TMPRSS3: variants seen among roughly 807,000 people sequenced by gnomAD.
TMPRSS3 encodes transmembrane serine protease 3.
In TMPRSS3, 55 loss-of-function variants were observed where a neutral mutation model predicts 59.6. The ratio of observed to expected loss-of-function variants is 0.92; its 90% CI spans 0.74 to 1.16. The LOEUF (loss-of-function observed/expected upper bound fraction) is 1.16. TMPRSS3 is among the 50% of genes most tolerant of loss of function. The pLI is 0.00. For missense variants in TMPRSS3, 596 were observed against 579.4 expected, an observed-to-expected ratio of 1.03 and a Z score of -0.29; for synonymous variants, 257 against 237.7, an observed-to-expected ratio of 1.08 and a Z score of -0.75.
intron 7 of TMPRSS3, chr21:42,383,725 T>C (rs767890523): frequency 1.1e-4 from 76 of 696,786 alleles, no homozygotes; most frequent in Non-Finnish European, 1.9e-4. Flanking sequence ...TGGGACATCA[T>C]GGGCCTTGGT....
chr21:42,382,419 C>T (rs2052550330), intron 8 of TMPRSS3, 185 bp from the exon 9 acceptor site: 1 of 643,308 alleles, frequency 1.6e-6, no homozygotes, highest in Non-Finnish European at 2.8e-6. Context: ...AACACAGACC[C>T]ACACCCCATG....
In TMPRSS3 at chr21:42,372,221, C is replaced by T. The variant is rs1359819799; in HGVS notation, c.*541G>A. 1 of 443,504 alleles carries T rather than the reference C, an allele frequency of 2.3e-6. No homozygotes were observed. The highest frequency in any genetic ancestry group is 7.0e-5 in the East Asian group (1 of 14,340). The allele number at this position is 443,504 out of a possible 1,614,324, so 27.5% of individuals were successfully genotyped here. A position where few individuals can be genotyped will look rare whatever the true frequency, so the allele number is the denominator to read the frequency against. The stretch of plus-strand genomic sequence containing the variant: ...AAACCAGATGGACCAGTGGGAAAGG[C>T]CGCCCTTGCAAGTTGCTGCTTCTTT... On this transcript the variant is annotated 3_prime_UTR_variant, in exon 13 of 13. Transcript: ENST00000644384.
At position 42,388,031 on chromosome 21, in the gene TMPRSS3, G is replaced by A. The variant is rs565900061; in HGVS notation, c.446+372C>T. 8.6e-4 allele frequency among the ~76,000 whole-genome samples: 131 copies of A among 152,364 alleles called. No homozygotes were observed. Among genetic ancestry groups the A allele is most frequent in the Non-Finnish European group, 1.7e-3 (114 of 68,036 alleles). On this transcript the variant is annotated intron_variant, in intron 5 of 12. Transcript: ENST00000644384. This position sits in a 1 kb window ranked among gnomAD's most constrained non-coding sequence, Gnocchi z 5.1. The stretch of plus-strand genomic sequence containing the variant: ...TGCATGGACATTGATGTGACCGCCA[G>A]GACCAAGCAGGAAAGTGTCCAGGAA...
At chr21:42,384,157 A>G in intron 6 of TMPRSS3, 144 bp from the exon 7 acceptor site, 1 of 293,628 alleles carries the variant, frequency 3.4e-6, no homozygotes, top group Non-Finnish European at 5.3e-6. Flanking sequence ...GTCTATGTTC[A>G]AAAAAAAAAA....
Position 42,389,014 on chromosome 21 carries a change from A to G in TMPRSS3, c.237T>C (p.Cys79=). The G allele has an allele frequency of 6.2e-7, 1 of 1,614,204 alleles. No individual in the cohort carries two copies. The highest frequency in any genetic ancestry group is 1.1e-5 in the South Asian group (1 of 91,088). The change falls in exon 4 of 13, where the codon TGT becomes TGC. Residue 79 remains cysteine (C), a synonymous_variant. Transcript: ENST00000644384. Reference sequence around the variant, plus strand: ...GCTCGATACACTTAAAGGATGAGCGACATCTGTACTTCCCTGAGCAGTCGA... The same window carrying G: ...GCTCGATACACTTAAAGGATGAGCGGCATCTGTACTTCCCTGAGCAGTCGA... ...IHFDCSGKYR[C]RSSFKCIELI...
At chr21:42,384,820 G>C (rs1231688084) in intron 6 of TMPRSS3, among the ~76,000 whole-genome samples, 1 of 152,132 alleles carries the variant, frequency 6.6e-6, no homozygotes, top group East Asian at 1.9e-4. Context: ...ACTCTTGGCT[G>C]TATCTGCTAC....
chr21:42,392,368 G>A (rs2052744729), intron 2 of TMPRSS3, among the ~76,000 whole-genome samples: 1 of 152,224 alleles, frequency 6.6e-6, no homozygotes, highest in Non-Finnish European at 1.5e-5. Flanking sequence ...GCAGGAGATG[G>A]AGGAAGAGCA....
At chr21:42,373,501 G>C (rs367781672) in intron 12 of TMPRSS3, among the ~76,000 whole-genome samples, 17 of 152,318 alleles carry the variant, frequency 1.1e-4, no homozygotes, top group East Asian at 7.7e-4. Flanking sequence ...ACCCTCCCAG[G>C]GTTTCTCAGT....
intron 2 of TMPRSS3, 89 bp downstream of exon 2, chr21:42,395,235 T>A (rs551489110): frequency 1.8e-6 from 2 of 1,112,424 alleles, no homozygotes; most frequent in South Asian, 2.6e-5. Flanking sequence ...GCTGGGGAGA[T>A]ATTTCCCCCA....
chr21:42,389,022 A>G lies in TMPRSS3; in HGVS notation c.229T>C (p.Tyr77His), dbSNP rs1264116649. The G allele has an allele frequency of 6.2e-7, 1 of 1,614,210 alleles. No individual in the cohort carries two copies. Among genetic ancestry groups the G allele is most frequent in the East Asian group, 2.2e-5 (1 of 44,886 alleles). ...CACTTAAAGGATGAGCGACATCTGT[A>G]CTTCCCTGAGCAGTCGAAGTGGACT... The part of the protein sequence containing the change: ...LGIHFDCSGK[Y>H]RCRSSFKCIE... The change falls in exon 4 of 13, where the codon TAC (tyrosine) becomes CAC (histidine). Residue 77 changes from tyrosine (Y) to histidine (H), a missense_variant. By Grantham distance (83) the Tyr-to-His change is moderately conservative (BLOSUM62 2). Transcript: ENST00000644384.
At position 42,388,880 on chromosome 21, in the gene TMPRSS3, G is replaced by T; in HGVS notation, c.322+49C>A. On this transcript the variant is annotated intron_variant, in intron 4 of 12. Coordinates refer to ENST00000644384, the MANE Select transcript of TMPRSS3 (RefSeq NM_001256317.3). This position sits in a 1 kb window ranked among gnomAD's most constrained non-coding sequence, Gnocchi z 5.1. ...TTACAGATGGGAAGGGTCAGGGTTG[G>T]CTTCTGCTGCTTCCTTCTGTTTCCC... 2 of 1,519,918 alleles carry T rather than the reference G, an allele frequency of 1.3e-6. No individual in the cohort carries two copies. The highest frequency in any genetic ancestry group is 1.1e-5 in the South Asian group (1 of 89,284). 94.2% of individuals were successfully genotyped at this position (1,519,918 alleles called of 1,614,324 possible). A position where few individuals can be genotyped will look rare whatever the true frequency, so the allele number is the denominator to read the frequency against.
At chr21:42,387,627 C>T (rs935242209) in intron 5 of TMPRSS3, among the ~76,000 whole-genome samples, 4 of 152,112 alleles carry the variant, frequency 2.6e-5, no homozygotes, top group African/African-American at 9.7e-5. Context: ...AAAACTGAGA[C>T]TCTGTGGAGG....
In TMPRSS3 at chr21:42,388,330, A is replaced by G. The variant is rs555404707; in HGVS notation, c.446+73T>C. ...TAAAGCACCCAATAGTGCCCAACTA[A>G]ATGGTAGTTGTCTTTCTTTATTGTT... On this transcript the variant is annotated intron_variant, in intron 5 of 12. Coordinates refer to ENST00000644384, the MANE Select transcript of TMPRSS3 (RefSeq NM_001256317.3). The surrounding 1 kb of genome is among the most constrained non-coding windows in gnomAD (Gnocchi z 5.1). 9.8e-5 allele frequency: 157 copies of G among 1,604,036 alleles called. 1 individual carries two copies. The African/African-American group carries it at 2.0e-3, about 21-fold the overall frequency.
intron 2 of TMPRSS3, among the ~76,000 whole-genome samples, chr21:42,393,662 T>C (rs1601536604): frequency 6.6e-6 from 1 of 152,092 alleles, no homozygotes; most frequent in Admixed American, 6.5e-5. Flanking sequence ...TAGAAAACGG[T>C]TGGAGAGATT....
chr21:42,391,316 G>A (rs948574122), intron 2 of TMPRSS3, among the ~76,000 whole-genome samples: 1 of 152,192 alleles, frequency 6.6e-6, no homozygotes, highest in African/African-American at 2.4e-5. Flanking sequence ...AAAGTACTGG[G>A]ATTACAAGCG....
chr21:42,393,558 C>T (rs1158298877), intron 2 of TMPRSS3, among the ~76,000 whole-genome samples: 1 of 152,110 alleles, frequency 6.6e-6, no homozygotes, highest in Non-Finnish European at 1.5e-5. Context: ...TATTGATGCA[C>T]AGGAAACGGA....
intron 2 of TMPRSS3, among the ~76,000 whole-genome samples, chr21:42,394,507 C>T (rs1054779435): frequency 6.6e-6 from 1 of 152,124 alleles, no homozygotes; most frequent in African/African-American, 2.4e-5. Context: ...TTCATTGACA[C>T]TTAGCTAATT....
chr21:42,376,695 T>A lies in TMPRSS3; in HGVS notation c.1049-12A>T, dbSNP rs769615599. On this transcript the variant is annotated splice_polypyrimidine_tract_variant and intron_variant, in intron 10 of 12. Coordinates refer to ENST00000644384, the MANE Select transcript of TMPRSS3 (RefSeq NM_001256317.3). ...AGGGGAGGCGTCACCTGCTTCAAAG[T>A]GAGTGAGGGGATGTGTGTGAGAAGG... 25 of 1,613,186 alleles carry A rather than the reference T, an allele frequency of 1.5e-5. No individual in the cohort carries two copies. In the Admixed American group the frequency reaches 3.7e-4, roughly 24 times the overall value.
intron 8 of TMPRSS3, 33 bp downstream of exon 8, chr21:42,383,000 C>A (rs760506125): frequency 6.2e-7 from 1 of 1,613,252 alleles, no homozygotes; most frequent in Admixed American, 1.7e-5. Flanking sequence ...CAGGAGTGAA[C>A]AGGGGTCTGG....
Sources: allele counts gnomAD v4.1 joint callset (sites outside exome capture counted in the v4.1 genomes callset), GRCh38; gene constraint gnomAD v4.1.1; non-coding constraint Gnocchi (gnomAD v3.1); transcripts MANE v1.5; gene names NCBI Gene and HGNC (gene_info 2026-07-23, HGNC 2026-07-21).